BIRC2: variants seen among roughly 807,000 people sequenced by gnomAD.
BIRC2 encodes baculoviral IAP repeat containing 2.
In BIRC2, 18 loss-of-function variants were observed where a neutral mutation model predicts 60.9. That is an observed-to-expected ratio of 0.30 (90% confidence interval 0.20 to 0.44). BIRC2 has a LOEUF of 0.44. BIRC2 is among the 20% of genes least tolerant of loss of function. The pLI is 1.00. For synonymous variants in BIRC2, 282 were observed against 247.7 expected (o/e 1.14, Z -1.30); for missense variants, 701 against 728.5 (o/e 0.96, Z 0.43).
chr11:102,356,804 G>A (rs1447125864), intron 3 of BIRC2, among the ~76,000 whole-genome samples: 1 of 151,040 alleles, frequency 6.6e-6, no homozygotes, highest in Admixed American at 6.6e-5. Context: ...TCAGCCTCCC[G>A]AGTAGGTGGG....
intron 3 of BIRC2, among the ~76,000 whole-genome samples, chr11:102,353,795 C>T (rs552765871): frequency 6.7e-6 from 1 of 150,020 alleles, no homozygotes; most frequent in South Asian, 2.1e-4. Context: ...ACATTAGATC[C>T]TCAGAAAGTT....
chr11:102,351,900 A>G (rs1231193035), intron 3 of BIRC2, among the ~76,000 whole-genome samples: 1 of 152,152 alleles, frequency 6.6e-6, no homozygotes, highest in Non-Finnish European at 1.5e-5. Flanking sequence ...ATAGTGATAA[A>G]ATAGGCATAA....
At chr11:102,377,945 TA>T in intron 8 of BIRC2, 44 bp from the exon 9 acceptor site, 2 of 1,601,274 alleles carry the variant, frequency 1.2e-6, no homozygotes, top group Non-Finnish European at 1.7e-6. Context: ...CCTTTTTTTT[TA>T]ATGAAGTGGA....
chr11:102,377,503 G>T lies in BIRC2; in HGVS notation c.1374G>T (p.Leu458Phe). The change falls in exon 7 of 9, where the codon TTG (leucine) becomes TTT (phenylalanine). Residue 458 changes from leucine (L) to phenylalanine (F), a missense_variant. Physicochemically the swap from Leu to Phe is conservative, Grantham distance 22 (BLOSUM62 0). Coordinates refer to ENST00000227758, the MANE Select transcript of BIRC2 (RefSeq NM_001166.5). The stretch of plus-strand genomic sequence containing the variant: ...TTTCTTTTTTTAATGAAGATGATTT[G>T]TCATTAATTCGGAAGAACAGAATGG... ...KQAEEMASDD[L>F]SLIRKNRMAL... The T allele has an allele frequency of 6.3e-7, 1 of 1,587,776 alleles. No individual in the cohort carries two copies. The highest frequency in any genetic ancestry group is 8.5e-7 in the Non-Finnish European group (1 of 1,173,876).
Position 102,364,577 on chromosome 11 carries a change from A to G in BIRC2, c.1123+861A>G, listed in dbSNP as rs115596470. 5.4e-3 allele frequency among the ~76,000 whole-genome samples: 824 copies of G among 152,234 alleles called. 8 individuals carry two copies. Among genetic ancestry groups the G allele is most frequent in the African/African-American group, 0.019 (779 of 41,542 alleles). On this transcript the variant is annotated intron_variant, in intron 5 of 8. Coordinates refer to ENST00000227758, the MANE Select transcript of BIRC2 (RefSeq NM_001166.5). The stretch of plus-strand genomic sequence containing the variant: ...TCAATTTATGTAATATACATATGTT[A>G]TTGTGTCTAAAATGGCTAAGGTAGT...
intron 3 of BIRC2, 59 bp downstream of exon 3, chr11:102,351,002 T>G: frequency 6.6e-7 from 1 of 1,504,026 alleles, no homozygotes; most frequent in African/African-American, 1.4e-5. Flanking sequence ...GAAGTAGGCA[T>G]GCCTACATGA....
rs377075420 is a variant in BIRC2 at position 102,350,448 on chromosome 11, T to C, written c.594T>C (p.Phe198=). The change falls in exon 2 of 9, where the codon TTT becomes TTC. Residue 198 remains phenylalanine, a synonymous_variant. Coordinates refer to ENST00000227758, the MANE Select transcript of BIRC2 (RefSeq NM_001166.5). ...FLTYHMWPLT[F]LSPSELARAG... ...CCTACCATATGTGGCCATTAACTTT[T>C]TTGTCACCATCAGAATTGGCAAGAG... 1.2e-6 allele frequency: 2 copies of C among 1,614,218 alleles called. No homozygotes were observed. The highest frequency in any genetic ancestry group is 1.7e-5 in the Admixed American group (1 of 60,024).
chr11:102,377,633 A>G lies in BIRC2; in HGVS notation c.1504A>G (p.Ile502Val), dbSNP rs1355324011. ...TGATATTATTAAACAAAAAACACAGATACCTTTACAAGCGAGAGAACTGAT... is the reference window on the plus strand; with the variant it reads ...TGATATTATTAAACAAAAAACACAGGTACCTTTACAAGCGAGAGAACTGAT... ...EHDIIKQKTQ[I>V]PLQARELIDT... Residue 502 changes from isoleucine (I) to valine (V), a missense_variant, in exon 7 of 9, where the codon ATA (isoleucine) becomes GTA (valine). By Grantham distance (29) the Ile-to-Val change is conservative. Coordinates refer to ENST00000227758, the MANE Select transcript of BIRC2 (RefSeq NM_001166.5). The G allele has an allele frequency of 6.2e-7, 1 of 1,611,434 alleles. No individual in the cohort carries two copies. Among genetic ancestry groups the G allele is most frequent in the Non-Finnish European group, 8.5e-7 (1 of 1,179,338 alleles).
In BIRC2 at chr11:102,363,714, C is replaced by T; in HGVS notation, c.1121C>T (p.Pro374Leu). 6.2e-7 allele frequency: 1 copy of T among 1,609,098 alleles called. No homozygotes were observed. The highest frequency in any genetic ancestry group is 8.5e-7 in the Non-Finnish European group (1 of 1,176,302). The change falls in exon 5 of 9, where the codon CCA (proline) becomes CTA (leucine). Residue 374 changes from proline (P) to leucine (L), a missense_variant and splice_region_variant. Physicochemically the swap from Pro to Leu is moderately conservative, Grantham distance 98. Around this residue, in one of 4 missense-constraint regions of BIRC2, gnomAD observed 235 missense variants for 208.9 expected, o/e 1.12. Transcript: ENST00000227758. ...ACTGGAGAAGAAAATGCTGACCCAC[C>T]AAGTATGTATGAGATAATTTTAAGT... Reference protein sequence around the residue: ...DTTGEENADPPIIHFGPGESS... With the variant: ...DTTGEENADPLIIHFGPGESS...
At chr11:102,354,901 T>C (rs2135806762) in intron 3 of BIRC2, among the ~76,000 whole-genome samples, 1 of 152,168 alleles carries the variant, frequency 6.6e-6, no homozygotes, top group East Asian at 1.9e-4. Flanking sequence ...TGGGAAAATT[T>C]CTGTTCAGGT....
chr11:102,373,275 C>T (rs916012918), intron 6 of BIRC2, among the ~76,000 whole-genome samples: 6 of 152,208 alleles, frequency 3.9e-5, no homozygotes, highest in African/African-American at 1.4e-4. Context: ...ATGGTCTTTA[C>T]ATTTTGGCAT....
chr11:102,360,295 G>C (rs1306893680), intron 3 of BIRC2, among the ~76,000 whole-genome samples: 1 of 151,610 alleles, frequency 6.6e-6, no homozygotes, highest in Non-Finnish European at 1.5e-5. Flanking sequence ...ATATTGTTTT[G>C]CTTGATGGTG....
intron 6 of BIRC2, among the ~76,000 whole-genome samples, chr11:102,376,168 G>C (rs1034361824): frequency 2.6e-5 from 4 of 152,180 alleles, no homozygotes; most frequent in African/African-American, 9.7e-5. Flanking sequence ...AGATTTGGCA[G>C]TGTTAATAGG....
intron 6 of BIRC2, among the ~76,000 whole-genome samples, chr11:102,374,692 C>G (rs935660075): frequency 6.6e-6 from 1 of 152,148 alleles, no homozygotes; most frequent in African/African-American, 2.4e-5. Flanking sequence ...GTGGTGGGCT[C>G]CACCCAGTTC....
intron 5 of BIRC2, among the ~76,000 whole-genome samples, chr11:102,365,091 C>T (rs564704711): frequency 1.3e-5 from 2 of 152,334 alleles, no homozygotes; most frequent in African/African-American, 4.8e-5. Context: ...TTTATTGCCT[C>T]ACCAGCAAAA....
At chr11:102,351,631 A>AG (rs542621569) in intron 3 of BIRC2, among the ~76,000 whole-genome samples, 46 of 150,414 alleles carry the variant, frequency 3.1e-4, no homozygotes, top group South Asian at 1.5e-3. Context: ...AAAAAAAAAA[A>AG]AAAAAAGAAA....
intron 6 of BIRC2, among the ~76,000 whole-genome samples, chr11:102,375,342 T>A (rs564527535): frequency 6.6e-5 from 10 of 152,320 alleles, no homozygotes; most frequent in African/African-American, 2.4e-4. Flanking sequence ...GAAGGTTGCA[T>A]ATGTATTGGA....
In BIRC2 at chr11:102,377,505, C is replaced by A; in HGVS notation, c.1376C>A (p.Ser459Ter). The A allele has an allele frequency of 1.3e-6, 2 of 1,588,124 alleles. No homozygotes were observed. Among genetic ancestry groups the A allele is most frequent in the South Asian group, 2.3e-5 (2 of 85,410 alleles). ...TCTTTTTTTAATGAAGATGATTTGT[C>A]ATTAATTCGGAAGAACAGAATGGCT... is the stretch of plus-strand genomic sequence containing the variant. Reference protein sequence around the residue: ...QAEEMASDDLSLIRKNRMALF... With the variant: ...QAEEMASDDL Residue 459 changes from serine to a stop codon, truncating the protein, a stop_gained, in exon 7 of 9, where the codon TCA (serine) becomes TAA (stop). Coordinates refer to ENST00000227758, the MANE Select transcript of BIRC2 (RefSeq NM_001166.5). LOFTEE classifies it high-confidence loss of function.
At chr11:102,367,198 G>A (rs1052812197) in intron 5 of BIRC2, among the ~76,000 whole-genome samples, 1 of 152,146 alleles carries the variant, frequency 6.6e-6, no homozygotes, top group African/African-American at 2.4e-5. Flanking sequence ...GCATGGGCTA[G>A]GTATATACCA....
Sources: gnomAD v4.1 joint callset for allele counts (sites outside exome capture counted in the v4.1 genomes callset) on GRCh38, gnomAD v4.1.1 for gene constraint, gnomAD v4.1.1 regional missense constraint, MANE v1.5 for transcripts, NCBI Gene and HGNC (gene_info 2026-07-23, HGNC 2026-07-21) for gene names.